Variants in SYCP2L observed in about 807,000 individuals in gnomAD.
SYCP2L encodes synaptonemal complex protein 2 like.
In SYCP2L, 98 loss-of-function variants were observed where a neutral mutation model predicts 125.8. That is an observed-to-expected ratio of 0.78 (90% CI 0.66 to 0.92). SYCP2L has a LOEUF of 0.92. Ranked by LOEUF, SYCP2L falls within the 40% of genes least tolerant of loss-of-function variation. SYCP2L has a pLI of 0.00. For missense variants in SYCP2L, 842 were observed against 936.4 expected (o/e 0.90, Z 1.32); for synonymous variants, 317 against 325.4 (o/e 0.97, Z 0.28).
At chr6:10,903,400 T>C (rs1468893041) in intron 8 of SYCP2L, among the ~76,000 whole-genome samples, 1 of 152,068 alleles carries the variant, frequency 6.6e-6, no homozygotes, top group African/African-American at 2.4e-5. Context: ...TACAAAAAAT[T>C]AGCCGGCTGT....
In SYCP2L at chr6:10,893,965, T is replaced by C; in HGVS notation, c.177T>C (p.Asn59=). The C allele has an allele frequency of 6.2e-7, 1 of 1,612,100 alleles. No homozygotes were observed. Among genetic ancestry groups the C allele is most frequent in the Non-Finnish European group, 8.5e-7 (1 of 1,179,604 alleles). Residue 59 remains asparagine (N), a synonymous_variant, in exon 3 of 30, where the codon AAT becomes AAC. Coordinates refer to ENST00000283141, the MANE Select transcript of SYCP2L (RefSeq NM_001040274.3). ...QKESHFPQKY[N]RLLLYRLDRS... is the part of the protein sequence containing the mutation. ...AGAGCCACTTTCCTCAAAAATATAA[T>C]CGTCTTCTATTATACCGTCTTGACA...
rs145730446 is a variant in SYCP2L at position 10,915,055 on chromosome 6, G to A, written c.1072+2128G>A. On this transcript the variant is annotated intron_variant, in intron 14 of 29. Transcript: ENST00000283141. ...ACCACCGCACCTGGCCCATCCCTAA[G>A]TTATTTTATTTTGTTTTTTGCATCT... 4.9e-3 allele frequency among the ~76,000 whole-genome samples: 747 copies of A among 152,080 alleles called. 8 individuals are homozygous for A. The highest frequency in any genetic ancestry group is 0.017 in the African/African-American group (697 of 41,496).
At chr6:10,904,371 G>C (rs914979256) in intron 8 of SYCP2L, among the ~76,000 whole-genome samples, 1 of 152,200 alleles carries the variant, frequency 6.6e-6, no homozygotes. Flanking sequence ...AGGACATCAT[G>C]GTGGCACATT....
intron 10 of SYCP2L, among the ~76,000 whole-genome samples, chr6:10,908,119 C>T (rs1377593020): frequency 6.6e-6 from 1 of 151,892 alleles, no homozygotes; most frequent in Admixed American, 6.6e-5. Context: ...AACTCCTGAC[C>T]TCAGGTGATC....
intron 5 of SYCP2L, 49 bp from the exon 6 acceptor site, chr6:10,898,775 A>C (rs528940291): frequency 8.5e-7 from 1 of 1,181,588 alleles, no homozygotes; most frequent in Non-Finnish European, 1.3e-6. Flanking sequence ...ACGGTTTATC[A>C]TGCTGTTTTA....
chr6:10,934,616 G>T (rs1239494852), intron 20 of SYCP2L, among the ~76,000 whole-genome samples: 1 of 152,228 alleles, frequency 6.6e-6, no homozygotes, highest in African/African-American at 2.4e-5. Context: ...GTAGGTGGAG[G>T]TTGCAGTGAG....
intron 26 of SYCP2L, 39 bp downstream of exon 26, chr6:10,958,914 A>T: frequency 1.3e-6 from 2 of 1,567,812 alleles, no homozygotes; most frequent in Admixed American, 1.7e-5. Context: ...TGGAAGTGTG[A>T]TCACTCACCA....
intron 2 of SYCP2L, 53 bp from the exon 3 acceptor site, chr6:10,893,814 A>G (rs1780212570): frequency 2.5e-6 from 4 of 1,576,126 alleles, no homozygotes; most frequent in South Asian, 2.4e-5. Context: ...GAAAATTACT[A>G]TAAAATAAAT....
chr6:10,902,779 A>G lies in SYCP2L; in HGVS notation c.552+17A>G, dbSNP rs543040307. 1.9e-6 allele frequency: 3 copies of G among 1,613,496 alleles called. No homozygotes were observed. In the Admixed American group the frequency reaches 5.0e-5, roughly 27 times the overall value. On this transcript the variant is annotated intron_variant, in intron 7 of 29. Coordinates refer to ENST00000283141, the MANE Select transcript of SYCP2L (RefSeq NM_001040274.3). ...CAACAGGAGGTGAGTTGCAAGTAAC[A>G]AAACAGGTAATAGTGGTTCCAGAAA...
chr6:10,917,963 A>G (rs1041421893), intron 14 of SYCP2L, among the ~76,000 whole-genome samples: 14 of 152,202 alleles, frequency 9.2e-5, no homozygotes, highest in African/African-American at 3.4e-4. Flanking sequence ...GAGGAGGCTG[A>G]AGATAGGGCC....
At chr6:10,908,020 C>A (rs1388165228) in intron 10 of SYCP2L, among the ~76,000 whole-genome samples, 1 of 150,374 alleles carries the variant, frequency 6.7e-6, no homozygotes, top group Non-Finnish European at 1.5e-5. Flanking sequence ...TCCCAAGTAG[C>A]TGGGATTATA....
Position 10,913,835 on chromosome 6 carries a change from ATTTTTTT to A in SYCP2L, c.1072+915_1072+921del, listed in dbSNP as rs1168270606. On this transcript the variant is annotated intron_variant, in intron 14 of 29. Transcript: ENST00000283141. Reference sequence around the variant, plus strand: ...GGTTTTTCCAATGTTATCTTCTAGAATTTTTTTTTTTTTGAAGTGGAGTTTTGCTCTT... The same window carrying A: ...GGTTTTTCCAATGTTATCTTCTAGAATTTTTTGAAGTGGAGTTTTGCTCTT... 6.1e-5 allele frequency among the ~76,000 whole-genome samples: 9 copies of A among 146,346 alleles called. No homozygotes were observed. In the East Asian group the frequency reaches 1.8e-3, roughly 29 times the overall value.
intron 18 of SYCP2L, chr6:10,930,134 A>C (rs1357894857): frequency 1.5e-5 from 5 of 338,442 alleles, no homozygotes; most frequent in Non-Finnish European, 2.7e-5. Flanking sequence ...CTTCTGTTGC[A>C]AACGTTTTAT....
chr6:10,937,836 A>G (rs1275834544), intron 21 of SYCP2L, among the ~76,000 whole-genome samples: 1 of 152,210 alleles, frequency 6.6e-6, no homozygotes, highest in Non-Finnish European at 1.5e-5. Context: ...GAGTTTCTAG[A>G]AACATGCGAC....
chr6:10,960,837 A>T (rs564727621), intron 26 of SYCP2L, among the ~76,000 whole-genome samples: 57 of 152,290 alleles, frequency 3.7e-4, no homozygotes, highest in African/African-American at 1.3e-3. Flanking sequence ...GCATTTTGGG[A>T]TGCTGAGGCA....
rs764855686 is a variant in SYCP2L at position 10,898,112 on chromosome 6, A to G, written c.438A>G (p.Ala146=). Reference sequence around the variant, plus strand: ...TTATAGAAGATTTCTTTGACACTGCATTGGTAAGGATGGGATGGATGCTTC... The same window carrying G: ...TTATAGAAGATTTCTTTGACACTGCGTTGGTAAGGATGGGATGGATGCTTC... ...ICVIEDFFDT[A]LIISRSSSEG... Residue 146 remains alanine, a synonymous_variant, in exon 5 of 30, where the codon GCA becomes GCG. Coordinates refer to ENST00000283141, the MANE Select transcript of SYCP2L (RefSeq NM_001040274.3). 6.2e-7 allele frequency: 1 copy of G among 1,608,848 alleles called. No individual in the cohort carries two copies. Among genetic ancestry groups the G allele is most frequent in the African/African-American group, 1.3e-5 (1 of 74,804 alleles).
chr6:10,959,106 C>T (rs751926895), intron 26 of SYCP2L, among the ~76,000 whole-genome samples: 11 of 152,066 alleles, frequency 7.2e-5, no homozygotes, highest in Non-Finnish European at 1.6e-4. Flanking sequence ...AAATGCTGTT[C>T]TTAAAAAAAT....
intron 2 of SYCP2L, among the ~76,000 whole-genome samples, chr6:10,893,013 T>G (rs1435014584): frequency 1.3e-5 from 2 of 151,588 alleles, no homozygotes; most frequent in African/African-American, 4.8e-5. Flanking sequence ...ATATATACTT[T>G]TTTTTTTTTT....
intron 29 of SYCP2L, among the ~76,000 whole-genome samples, chr6:10,966,142 C>T (rs913926401): frequency 2.0e-5 from 3 of 151,842 alleles, no homozygotes; most frequent in Non-Finnish European, 1.5e-5. Flanking sequence ...ACAACAATAA[C>T]AACAACAACA....
Sources: gnomAD v4.1 joint callset for allele counts (sites outside exome capture counted in the v4.1 genomes callset) on GRCh38, gnomAD v4.1.1 for gene constraint, MANE v1.5 for transcripts, NCBI Gene and HGNC (gene_info 2026-07-23, HGNC 2026-07-21) for gene names.